The following PRTFDC1 variants were observed in gnomAD, a reference collection of about 807,000 sequenced individuals.
PRTFDC1 encodes phosphoribosyl transferase domain containing 1, also known as phosphoribosyltransferase domain-containing protein 1.
In PRTFDC1, 38 loss-of-function variants were observed where a neutral mutation model predicts 34.6. The observed-to-expected ratio is 1.10, with a 90% CI of 0.85 to 1.44. The LOEUF (loss-of-function observed/expected upper bound fraction) is 1.44, where lower values mean the gene tolerates loss of function less well. Ranked by LOEUF, PRTFDC1 falls within the 40% of genes most tolerant of loss-of-function variation. The pLI is 0.00. For synonymous variants in PRTFDC1, 93 were observed against 98.1 expected, an observed-to-expected ratio of 0.95 and a Z score of 0.31; for missense variants, 270 against 283.0, an observed-to-expected ratio of 0.95 and a Z score of 0.33.
intron 3 of PRTFDC1, among the ~76,000 whole-genome samples, chr10:24,882,808 C>A (rs1200847029): frequency 6.6e-6 from 1 of 150,800 alleles, no homozygotes; most frequent in Non-Finnish European, 1.5e-5. Flanking sequence ...GCCCCACATC[C>A]TCAAAATGTT....
intron 3 of PRTFDC1, among the ~76,000 whole-genome samples, chr10:24,877,560 G>A (rs925875011): frequency 1.3e-5 from 2 of 152,182 alleles, no homozygotes; most frequent in African/African-American, 4.8e-5. Context: ...TGCACTAGAA[G>A]ATTCTGTATA....
At chr10:24,878,318 G>T (rs1210701464) in intron 3 of PRTFDC1, among the ~76,000 whole-genome samples, 1 of 151,992 alleles carries the variant, frequency 6.6e-6, no homozygotes, top group South Asian at 2.1e-4. Context: ...GCTGGTAAGC[G>T]AATGAGCCCA....
At chr10:24,891,562 G>A (rs1848262283) in intron 3 of PRTFDC1, among the ~76,000 whole-genome samples, 1 of 151,938 alleles carries the variant, frequency 6.6e-6, no homozygotes. Context: ...GGGAGCTGAG[G>A]CAGGATGATG....
At chr10:24,861,326 C>A (rs367683496) in intron 4 of PRTFDC1, among the ~76,000 whole-genome samples, 112 of 152,162 alleles carry the variant, frequency 7.4e-4, no homozygotes, top group African/African-American at 2.5e-3. Flanking sequence ...TATATTGAAA[C>A]CCCTTCTGTA....
chr10:24,872,300 A>G (rs1847884297), intron 3 of PRTFDC1, among the ~76,000 whole-genome samples: 1 of 152,048 alleles, frequency 6.6e-6, no homozygotes, highest in African/African-American at 2.4e-5. Context: ...GGAGTGGGAG[A>G]GAGGAGAGAG....
At chr10:24,869,625 C>A (rs1022472607) in intron 4 of PRTFDC1, among the ~76,000 whole-genome samples, 2 of 152,266 alleles carry the variant, frequency 1.3e-5, no homozygotes, top group Middle Eastern at 3.4e-3. Flanking sequence ...TATTGGAAGG[C>A]CTTTATCTTT....
chr10:24,906,771 CT>C (rs1848542337), intron 3 of PRTFDC1, among the ~76,000 whole-genome samples: 1 of 152,202 alleles, frequency 6.6e-6, no homozygotes, highest in Admixed American at 6.5e-5. Context: ...TTTTCCTCAC[CT>C]GCTCTCGAGA....
At chr10:24,921,226 T>C (rs1848782210) in intron 3 of PRTFDC1, among the ~76,000 whole-genome samples, 1 of 152,188 alleles carries the variant, frequency 6.6e-6, no homozygotes, top group Non-Finnish European at 1.5e-5. Context: ...AATATGAAGA[T>C]GAGGGAGAAT....
At chr10:24,921,011 T>C (rs1004589872) in intron 3 of PRTFDC1, among the ~76,000 whole-genome samples, 2 of 152,140 alleles carry the variant, frequency 1.3e-5, no homozygotes, top group Non-Finnish European at 2.9e-5. Context: ...TAGCTTTTGC[T>C]TTAAGTATAG....
At chr10:24,927,152 C>T (rs1272662928) in intron 3 of PRTFDC1, among the ~76,000 whole-genome samples, 2 of 152,160 alleles carry the variant, frequency 1.3e-5, no homozygotes, top group South Asian at 2.1e-4. Flanking sequence ...TAGATGATCT[C>T]TTTTTAGGCC....
At chr10:24,922,737 G>T (rs1848810748) in intron 3 of PRTFDC1, among the ~76,000 whole-genome samples, 1 of 152,222 alleles carries the variant, frequency 6.6e-6, no homozygotes, top group South Asian at 2.1e-4. Context: ...TGATGCAGAA[G>T]ATGGGTGATT....
chr10:24,914,282 T>A (rs1292874934), intron 3 of PRTFDC1, among the ~76,000 whole-genome samples: 2 of 152,226 alleles, frequency 1.3e-5, no homozygotes, highest in Non-Finnish European at 2.9e-5. Context: ...CTAGAAGTAT[T>A]CCAATTTGGT....
At chr10:24,906,110 C>CA (rs2132560534) in intron 3 of PRTFDC1, among the ~76,000 whole-genome samples, 1 of 152,236 alleles carries the variant, frequency 6.6e-6, no homozygotes, top group South Asian at 2.1e-4. Flanking sequence ...CTGGTCCTGT[C>CA]ACCTCCCATG....
chr10:24,881,104 G>A (rs1419095989), intron 3 of PRTFDC1, among the ~76,000 whole-genome samples: 1 of 145,222 alleles, frequency 6.9e-6, no homozygotes, highest in African/African-American at 2.6e-5. Context: ...GCCTGACTCT[G>A]TCATCCACAT....
Position 24,849,739 on chromosome 10 carries a change from C to T in PRTFDC1, c.*105G>A. 2.9e-6 allele frequency: 3 copies of T among 1,026,826 alleles called. No individual in the cohort carries two copies. Among genetic ancestry groups the T allele is most frequent in the East Asian group, 2.4e-5 (1 of 41,448 alleles). 63.6% of individuals were successfully genotyped at this position (1,026,826 alleles called of 1,614,324 possible). ...ATTTGAACATTTTTTTCTTTTATATCCTGCTGAGTGAAGATGCCTGGGGGG... is the reference window on the plus strand; with the variant it reads ...ATTTGAACATTTTTTTCTTTTATATTCTGCTGAGTGAAGATGCCTGGGGGG... On this transcript the variant is annotated 3_prime_UTR_variant, in exon 9 of 9. Transcript: ENST00000320152.
chr10:24,863,063 G>C (rs1588576073), intron 4 of PRTFDC1, among the ~76,000 whole-genome samples: 2 of 152,090 alleles, frequency 1.3e-5, no homozygotes, highest in South Asian at 2.1e-4. Context: ...ATTTTTAGTA[G>C]AGAAGGGGTT....
intron 4 of PRTFDC1, among the ~76,000 whole-genome samples, chr10:24,869,594 A>G (rs1435563800): frequency 1.3e-5 from 2 of 152,178 alleles, no homozygotes; most frequent in East Asian, 3.8e-4. Context: ...TCTGGTGGTT[A>G]TTTGGTGTTA....
intron 3 of PRTFDC1, among the ~76,000 whole-genome samples, chr10:24,882,980 G>A (rs1848105427): frequency 6.7e-6 from 1 of 149,574 alleles, no homozygotes; most frequent in Non-Finnish European, 1.5e-5. Context: ...AGCAATTTTA[G>A]CCAGGAAAAA....
chr10:24,882,520 CT>C (rs1848095502), intron 3 of PRTFDC1, among the ~76,000 whole-genome samples: 1 of 152,304 alleles, frequency 6.6e-6, no homozygotes, highest in South Asian at 2.1e-4. Context: ...ATTTTTAATG[CT>C]TCTTCCCCAC....
Sources: gnomAD v4.1 joint callset for allele counts (sites outside exome capture counted in the v4.1 genomes callset) on GRCh38, gnomAD v4.1.1 for gene constraint, MANE v1.5 for transcripts, NCBI Gene and HGNC (gene_info 2026-07-23, HGNC 2026-07-21) for gene names.